RBFOX1: variants seen among roughly 807,000 people sequenced by gnomAD.
RBFOX1 encodes the protein RNA binding fox-1 homolog 1.
Under a neutral mutation model 57.7 loss-of-function variants are expected in RBFOX1, and 8 were observed. The observed-to-expected ratio is 0.14, with a 90% CI of 0.08 to 0.25. The LOEUF (loss-of-function observed/expected upper bound fraction) is 0.25. Among genes scored for constraint, RBFOX1 ranks in the 10% least tolerant of loss-of-function variants. The pLI is 1.00. For synonymous variants in RBFOX1, 326 were observed against 222.4 expected (o/e 1.47, Z -4.15); for missense variants, 611 against 548.5 (o/e 1.11, Z -1.14).
chr16:7,054,499 C>G (rs1393709185), intron 4 of RBFOX1, among the ~76,000 whole-genome samples: 1 of 133,744 alleles, frequency 7.5e-6, no homozygotes, highest in Non-Finnish European at 1.5e-5. Flanking sequence ...CCTCGGCCCC[C>G]CAAGGTGATG....
rs2095033012 is a variant in RBFOX1 at position 6,019,900 on chromosome 16, T to C, written c.-219T>C. 4.6e-6 allele frequency: 7 copies of C among 1,534,958 alleles called. No individual in the cohort carries two copies. Among genetic ancestry groups the C allele is most frequent in the East Asian group, 2.5e-5 (1 of 40,802 alleles). On this transcript the variant is annotated 5_prime_UTR_variant, in exon 1 of 16. It removes an upstream start codon present in the reference 5' UTR. Coordinates refer to ENST00000550418, the MANE Select transcript of RBFOX1 (RefSeq NM_018723.4). This position sits in a 1 kb window ranked among gnomAD's most constrained non-coding sequence, Gnocchi z 4.2. ...ACCCCCTTCCGCCGCCTCCAGCTTA[T>C]GGTGAGTGTGGCTGGGGGTGCAGAG...
chr16:7,004,249 TATA>T (rs2093101830), intron 3 of RBFOX1: 1 of 152,200 alleles, frequency 6.6e-6, no homozygotes, highest in South Asian at 2.1e-4. Flanking sequence ...TAGAAGAATA[TATA>T]ATGCATAAGA....
At chr16:7,708,476 A>G (rs1262240465) in intron 14 of RBFOX1, among the ~76,000 whole-genome samples, 1 of 147,914 alleles carries the variant, frequency 6.8e-6, no homozygotes, top group African/African-American at 2.4e-5. Flanking sequence ...GAATAATAGG[A>G]TCAAAACCAA....
intron 4 of RBFOX1, among the ~76,000 whole-genome samples, chr16:7,250,035 C>G (rs1306391982): frequency 6.6e-6 from 1 of 152,148 alleles, no homozygotes; most frequent in Non-Finnish European, 1.5e-5. Flanking sequence ...ATTTGTTTTG[C>G]ACGTATTTGG....
intron 1 of RBFOX1, among the ~76,000 whole-genome samples, chr16:6,200,817 C>G (rs777356497): frequency 6.6e-6 from 1 of 152,008 alleles, no homozygotes. Flanking sequence ...GTGGGTATGA[C>G]TCAGGAACAC....
At chr16:6,360,579 A>G (rs1225914872) in intron 2 of RBFOX1, among the ~76,000 whole-genome samples, 1 of 152,170 alleles carries the variant, frequency 6.6e-6, no homozygotes, top group Non-Finnish European at 1.5e-5. Context: ...AGTCTCATCC[A>G]ATATTATTAT....
At chr16:6,581,289 G>C (rs4786888) in intron 2 of RBFOX1, among the ~76,000 whole-genome samples, 148,623 of 152,304 alleles carry the variant, frequency 0.98, 72,608 homozygotes, top group East Asian at 1. Context: ...AGGGTTCTGT[G>C]TCTTTGCTTT....
At chr16:5,752,878 T>C (rs1003273946) in intron 3 of RBFOX1, among the ~76,000 whole-genome samples, 5 of 151,992 alleles carry the variant, frequency 3.3e-5, no homozygotes, top group African/African-American at 1.2e-4. Context: ...ACCCAGAACA[T>C]TGTACAAAAA....
intron 1 of RBFOX1, among the ~76,000 whole-genome samples, chr16:6,291,695 A>G (rs568105584): frequency 2.8e-4 from 43 of 152,366 alleles, no homozygotes; most frequent in Non-Finnish European, 4.3e-4. Flanking sequence ...GCTGAGACAG[A>G]CAAAGGCATA....
At chr16:6,583,469 G>A (rs8064204) in intron 2 of RBFOX1, among the ~76,000 whole-genome samples, 53,729 of 152,122 alleles carry the variant, frequency 0.35, 11,121 homozygotes, top group Middle Eastern at 0.51. Flanking sequence ...CCCTGTGGAT[G>A]AACAGTGCTT....
At chr16:6,676,479 T>A (rs1195640591) in intron 3 of RBFOX1, among the ~76,000 whole-genome samples, 1 of 152,010 alleles carries the variant, frequency 6.6e-6, no homozygotes, top group Non-Finnish European at 1.5e-5. Context: ...AGGTCCTGAA[T>A]GGGGAGGGCC....
chr16:7,388,798 A>C (rs2097932861), intron 4 of RBFOX1, among the ~76,000 whole-genome samples: 1 of 152,058 alleles, frequency 6.6e-6, no homozygotes, highest in African/African-American at 2.4e-5. Flanking sequence ...AATGTAGGCT[A>C]ATATAAGTGT....
chr16:5,494,903 C>A (rs1371495857), intron 2 of RBFOX1, among the ~76,000 whole-genome samples: 1 of 152,142 alleles, frequency 6.6e-6, no homozygotes, highest in Non-Finnish European at 1.5e-5. Context: ...ATGTTCCAAA[C>A]CTTCTAGAGT....
chr16:6,805,978 CT>C (rs2086677835), intron 3 of RBFOX1, among the ~76,000 whole-genome samples: 2 of 152,108 alleles, frequency 1.3e-5, no homozygotes, highest in African/African-American at 4.8e-5. Context: ...GAGGAGTTAC[CT>C]TTTGTGAGGT....
intron 4 of RBFOX1, among the ~76,000 whole-genome samples, chr16:7,297,105 G>A (rs903564589): frequency 1.2e-4 from 19 of 152,176 alleles, no homozygotes; most frequent in African/African-American, 3.6e-4. Flanking sequence ...CAAGGGTCAA[G>A]GGAGAAGACA....
At chr16:5,765,322 C>G (rs1300295989) in intron 3 of RBFOX1, among the ~76,000 whole-genome samples, 3 of 152,260 alleles carry the variant, frequency 2.0e-5, no homozygotes, top group South Asian at 4.1e-4. Context: ...AGGTCAAGTT[C>G]AATCAACCAA....
At chr16:7,017,092 C>G (rs2093953719) in intron 3 of RBFOX1, among the ~76,000 whole-genome samples, 1 of 151,958 alleles carries the variant, frequency 6.6e-6, no homozygotes, top group Non-Finnish European at 1.5e-5. Context: ...ACTCATTTTT[C>G]AAAAGACAGA....
intron 3 of RBFOX1, among the ~76,000 whole-genome samples, chr16:6,715,954 G>T (rs1392310644): frequency 6.6e-6 from 1 of 152,128 alleles, no homozygotes; most frequent in South Asian, 2.1e-4. Flanking sequence ...TTAAGTCAAG[G>T]ATACGACGCA....
chr16:5,398,097 C>G (rs2066612247), intron 1 of RBFOX1, among the ~76,000 whole-genome samples: 1 of 152,174 alleles, frequency 6.6e-6, no homozygotes, highest in Admixed American at 6.5e-5. Flanking sequence ...GAGATTCAAC[C>G]TAGACGAAGA....
Sources: allele counts gnomAD v4.1 joint callset (sites outside exome capture counted in the v4.1 genomes callset), GRCh38; gene constraint gnomAD v4.1.1; non-coding constraint Gnocchi (gnomAD v3.1); transcripts MANE v1.5; gene names NCBI Gene and HGNC (gene_info 2026-07-23, HGNC 2026-07-21).